WWOX: variants seen among roughly 807,000 people sequenced by gnomAD.
WWOX encodes the protein WW domain containing oxidoreductase.
WWOX carries 69 observed loss-of-function variants against 46.2 expected under a neutral mutation model. The ratio of observed to expected loss-of-function variants is 1.49; its 90% CI spans 1.23 to 1.82. The LOEUF (loss-of-function observed/expected upper bound fraction) is 1.82. Among genes scored for constraint, WWOX ranks in the 40% most tolerant of loss-of-function variants. The pLI is 0.00. For synonymous variants in WWOX, 359 were observed against 202.6 expected (o/e 1.77, Z -6.56); for missense variants, 919 against 542.6 (o/e 1.69, Z -6.89).
At chr16:79,177,405 A>C (rs559513240) in intron 8 of WWOX, among the ~76,000 whole-genome samples, 15 of 152,094 alleles carry the variant, frequency 9.9e-5, no homozygotes, top group African/African-American at 3.6e-4. Context: ...TTGGATATGC[A>C]TTTATCCAAA....
At chr16:78,786,966 G>T (rs773032013) in intron 8 of WWOX, among the ~76,000 whole-genome samples, 4 of 152,192 alleles carry the variant, frequency 2.6e-5, no homozygotes, top group Non-Finnish European at 4.4e-5. Flanking sequence ...TGGGCAACAT[G>T]ATGAAACCCT....
At chr16:78,166,211 G>A (rs2034965207) in intron 5 of WWOX, among the ~76,000 whole-genome samples, 1 of 151,256 alleles carries the variant, frequency 6.6e-6, no homozygotes, top group Non-Finnish European at 1.5e-5. Flanking sequence ...TCTTATTAGT[G>A]CATATAGATC....
chr16:78,941,641 G>T (rs1292109590), intron 8 of WWOX, among the ~76,000 whole-genome samples: 4 of 152,034 alleles, frequency 2.6e-5, no homozygotes, highest in African/African-American at 9.7e-5. Context: ...AGAAAATAGA[G>T]CATTTGTTAT....
At chr16:78,540,443 T>G (rs1378296768) in intron 8 of WWOX, among the ~76,000 whole-genome samples, 1 of 152,186 alleles carries the variant, frequency 6.6e-6, no homozygotes, top group Non-Finnish European at 1.5e-5. Context: ...TACTTGTCTC[T>G]TCTCATGGGC....
intron 8 of WWOX, among the ~76,000 whole-genome samples, chr16:78,622,572 T>G (rs946689512): frequency 2.0e-5 from 3 of 151,644 alleles, no homozygotes; most frequent in Non-Finnish European, 4.4e-5. Flanking sequence ...CCCTTGTAGT[T>G]TCTTCCTCTG....
chr16:79,211,696 G>T lies in WWOX; in HGVS notation c.1145G>T (p.Cys382Phe). Residue 382 changes from cysteine (C) to phenylalanine (F), a missense_variant, in exon 9 of 9, where the codon TGC becomes TTC. Coordinates refer to ENST00000566780, the MANE Select transcript of WWOX (RefSeq NM_016373.4). ...GGMYFNNCCR[C>F]MPSPEAQSEE... Reference sequence around the variant, plus strand: ...ATGTACTTCAACAACTGCTGCCGCTGCATGCCCTCACCAGAAGCTCAGAGC... The same window carrying T: ...ATGTACTTCAACAACTGCTGCCGCTTCATGCCCTCACCAGAAGCTCAGAGC... The T allele has an allele frequency of 6.2e-7, 1 of 1,614,242 alleles. No homozygotes were observed.
intron 8 of WWOX, among the ~76,000 whole-genome samples, chr16:79,011,618 A>T (rs1271480910): frequency 6.6e-6 from 1 of 151,206 alleles, no homozygotes; most frequent in Non-Finnish European, 1.5e-5. Context: ...TCAGCCTCCC[A>T]AGTAACTGGG....
At chr16:78,122,579 T>A (rs1378071650) in intron 4 of WWOX, among the ~76,000 whole-genome samples, 1 of 152,116 alleles carries the variant, frequency 6.6e-6, no homozygotes, top group East Asian at 1.9e-4. Context: ...ATAAAAATTG[T>A]AATGGAAGAT....
chr16:78,803,416 G>C (rs2050947298), intron 8 of WWOX, among the ~76,000 whole-genome samples: 1 of 152,004 alleles, frequency 6.6e-6, no homozygotes, highest in African/African-American at 2.4e-5. Flanking sequence ...TTTTAAATTT[G>C]TGCAGAAAAG....
At chr16:78,204,255 A>T (rs1218541808) in intron 5 of WWOX, among the ~76,000 whole-genome samples, 3 of 152,102 alleles carry the variant, frequency 2.0e-5, no homozygotes, top group South Asian at 2.1e-4. Flanking sequence ...ATCTCTTTTT[A>T]AAATTTTTTT....
intron 8 of WWOX, among the ~76,000 whole-genome samples, chr16:78,502,240 A>G (rs776783007): frequency 6.6e-5 from 10 of 152,264 alleles, no homozygotes; most frequent in East Asian, 5.8e-4. Context: ...GTACAATTCA[A>G]TGGCTTTTAG....
At chr16:78,621,510 A>C (rs981843479) in intron 8 of WWOX, among the ~76,000 whole-genome samples, 2 of 137,278 alleles carry the variant, frequency 1.5e-5, no homozygotes, top group African/African-American at 5.6e-5. Context: ...TTTTACTTCT[A>C]TTTGGTAGTC....
At chr16:79,076,899 G>T (rs922122103) in intron 8 of WWOX, among the ~76,000 whole-genome samples, 5 of 152,178 alleles carry the variant, frequency 3.3e-5, no homozygotes, top group African/African-American at 1.2e-4. Flanking sequence ...TATGCGTATT[G>T]TCCTGTTTCA....
At chr16:78,787,943 T>TA (rs2050497014) in intron 8 of WWOX, among the ~76,000 whole-genome samples, 1 of 152,240 alleles carries the variant, frequency 6.6e-6, no homozygotes, top group South Asian at 2.1e-4. Flanking sequence ...GTATCTTTTT[T>TA]AAAATAGAAA....
intron 8 of WWOX, among the ~76,000 whole-genome samples, chr16:78,979,383 T>C (rs1028170298): frequency 6.6e-6 from 1 of 152,140 alleles, no homozygotes; most frequent in Non-Finnish European, 1.5e-5. Context: ...GTTATTAACA[T>C]CAGCAGCAGC....
chr16:78,238,201 A>T (rs947265786), intron 5 of WWOX: 9 of 150,286 alleles, frequency 6.0e-5, no homozygotes, highest in African/African-American at 1.9e-4. Flanking sequence ...GAAAAGCAAA[A>T]ACAAATTTAT....
intron 5 of WWOX, among the ~76,000 whole-genome samples, chr16:78,192,867 A>C (rs2035926510): frequency 6.6e-6 from 1 of 152,216 alleles, no homozygotes; most frequent in African/African-American, 2.4e-5. Flanking sequence ...TTGTGGTTAG[A>C]AATTTTCTCA....
At chr16:78,219,420 C>G (rs370035253) in intron 5 of WWOX, among the ~76,000 whole-genome samples, 1 of 151,932 alleles carries the variant, frequency 6.6e-6, no homozygotes, top group East Asian at 1.9e-4. Context: ...AAAATGAAGC[C>G]GACAAAATGC....
At chr16:79,187,306 G>A (rs906476421) in intron 8 of WWOX, among the ~76,000 whole-genome samples, 15 of 152,070 alleles carry the variant, frequency 9.9e-5, no homozygotes, top group African/African-American at 2.7e-4. Flanking sequence ...AAAGAATATC[G>A]TGGTGCCCCC....
Sources: allele counts gnomAD v4.1 joint callset (sites outside exome capture counted in the v4.1 genomes callset), GRCh38; gene constraint gnomAD v4.1.1; transcripts MANE v1.5; gene names NCBI Gene and HGNC (gene_info 2026-07-23, HGNC 2026-07-21).